The following CDH12 variants were observed in gnomAD, a reference collection of about 807,000 sequenced individuals.
The protein encoded by CDH12 is cadherin 12, also known as cadherin-12.
CDH12 carries 41 observed loss-of-function variants against 74.1 expected under a neutral mutation model. That is an observed-to-expected ratio of 0.55 (90% CI 0.43 to 0.72). CDH12 has a LOEUF of 0.72. Among genes scored for constraint, CDH12 ranks in the 30% least tolerant of loss-of-function variants. The pLI, the probability that CDH12 is intolerant of heterozygous loss-of-function variation, is 0.00. For missense variants in CDH12, 945 were observed against 977.2 expected (o/e 0.97, Z 0.44); for synonymous variants, 399 against 355.0 (o/e 1.12, Z -1.39).
intron 6 of CDH12, chr5:21,883,442 T>C (rs1579904002): frequency 1.2e-6 from 2 of 1,601,448 alleles, no homozygotes; most frequent in Non-Finnish European, 1.7e-6. Flanking sequence ...AAGCTCTAAG[T>C]ACACTCATCT....
chr5:22,498,901 C>CTT (rs34550762), intron 2 of CDH12, among the ~76,000 whole-genome samples: 49 of 73,398 alleles, frequency 6.7e-4, no homozygotes, highest in Admixed American at 9.0e-4. Context: ...TTTTCTGTTT[C>CTT]TTTTTTTTTT....
intron 4 of CDH12, among the ~76,000 whole-genome samples, chr5:22,185,416 C>G (rs1486789789): frequency 6.6e-6 from 1 of 152,072 alleles, no homozygotes; most frequent in African/African-American, 2.4e-5. Flanking sequence ...GCAGGCTGGT[C>G]TTTGATTCAC....
At chr5:22,551,130 C>A (rs542292240) in intron 1 of CDH12, among the ~76,000 whole-genome samples, 1 of 152,022 alleles carries the variant, frequency 6.6e-6, no homozygotes, top group Non-Finnish European at 1.5e-5. Flanking sequence ...ATCATAAGGG[C>A]GGGACCTAAT....
intron 3 of CDH12, among the ~76,000 whole-genome samples, chr5:22,321,641 T>A (rs1738888614): frequency 6.6e-6 from 1 of 151,584 alleles, no homozygotes; most frequent in Admixed American, 6.6e-5. Context: ...ACTTAAAGTA[T>A]AATAAAAAAA....
chr5:22,530,369 T>A (rs1453181587), intron 1 of CDH12, among the ~76,000 whole-genome samples: 1 of 152,162 alleles, frequency 6.6e-6, no homozygotes. Context: ...GAAAATCATA[T>A]TAAAGTCTGG....
At chr5:21,810,638 AG>A (rs1320361145) in intron 9 of CDH12, among the ~76,000 whole-genome samples, 1 of 152,140 alleles carries the variant, frequency 6.6e-6, no homozygotes, top group Non-Finnish European at 1.5e-5. Flanking sequence ...ACGTTGATTT[AG>A]GGCTAAGTTA....
At chr5:21,791,898 C>T (rs1329358588) in intron 10 of CDH12, among the ~76,000 whole-genome samples, 1 of 151,756 alleles carries the variant, frequency 6.6e-6, no homozygotes, top group South Asian at 2.1e-4. Context: ...TCAATGGAAA[C>T]GCTAACTTTG....
At chr5:22,451,890 A>C (rs1439131809) in intron 2 of CDH12, among the ~76,000 whole-genome samples, 1 of 151,938 alleles carries the variant, frequency 6.6e-6, no homozygotes, top group Non-Finnish European at 1.5e-5. Context: ...TGCAGGACAC[A>C]ACATCAACAT....
chr5:22,728,827 C>T (rs1329768794), intron 1 of CDH12, among the ~76,000 whole-genome samples: 1 of 151,736 alleles, frequency 6.6e-6, no homozygotes, highest in East Asian at 1.9e-4. Flanking sequence ...TAGCTTGAGC[C>T]CTCCACCGTC....
intron 2 of CDH12, among the ~76,000 whole-genome samples, chr5:22,407,548 A>G (rs1240858298): frequency 1.3e-5 from 2 of 151,990 alleles, no homozygotes; most frequent in Admixed American, 6.6e-5. Flanking sequence ...TTGAATCCCA[A>G]GTTGATCATA....
At chr5:22,844,333 T>C (rs1295779362) in intron 1 of CDH12, among the ~76,000 whole-genome samples, 2 of 152,200 alleles carry the variant, frequency 1.3e-5, no homozygotes, top group Non-Finnish European at 2.9e-5. Context: ...TTAGAGATAA[T>C]GGGCAACTTA....
intron 1 of CDH12, among the ~76,000 whole-genome samples, chr5:22,640,605 T>C (rs917734229): frequency 2.6e-5 from 4 of 152,200 alleles, no homozygotes; most frequent in Non-Finnish European, 5.9e-5. Flanking sequence ...AGTTGTCATG[T>C]TCTCTGGGAG....
At chr5:22,334,467 A>G (rs1329251170) in intron 3 of CDH12, among the ~76,000 whole-genome samples, 2 of 152,162 alleles carry the variant, frequency 1.3e-5, no homozygotes, top group African/African-American at 4.8e-5. Flanking sequence ...TCCCTATGAA[A>G]ATACCAATGA....
At chr5:22,630,271 T>C (rs867367484) in intron 1 of CDH12, among the ~76,000 whole-genome samples, 2 of 152,060 alleles carry the variant, frequency 1.3e-5, no homozygotes, top group South Asian at 4.1e-4. Context: ...ATTCTAAAAT[T>C]CATATGGAAC....
chr5:22,176,152 T>C (rs1029839585), intron 4 of CDH12, among the ~76,000 whole-genome samples: 6 of 151,842 alleles, frequency 4.0e-5, no homozygotes, highest in Admixed American at 3.3e-4. Flanking sequence ...CACTTCGGGG[T>C]ATTAGGGTGT....
At chr5:22,523,913 C>T (rs1379082017) in intron 1 of CDH12, among the ~76,000 whole-genome samples, 2 of 151,976 alleles carry the variant, frequency 1.3e-5, no homozygotes, top group Admixed American at 6.6e-5. Context: ...AAACCACTGT[C>T]CAAATTCTCA....
chr5:22,835,175 A>G (rs2126509080), intron 1 of CDH12, among the ~76,000 whole-genome samples: 1 of 152,200 alleles, frequency 6.6e-6, no homozygotes, highest in East Asian at 1.9e-4. Context: ...CCTATTTGTC[A>G]TATCATGATT....
intron 12 of CDH12, among the ~76,000 whole-genome samples, chr5:21,762,599 C>T (rs187787360): frequency 9.9e-4 from 151 of 152,108 alleles, no homozygotes; most frequent in African/African-American, 3.3e-3. Context: ...AAAAGTGTGG[C>T]TCAATTGGAC....
intron 4 of CDH12, among the ~76,000 whole-genome samples, chr5:22,123,518 G>A (rs62349111): frequency 6.6e-6 from 1 of 152,062 alleles, no homozygotes; most frequent in Non-Finnish European, 1.5e-5. Context: ...GTATGTAGTC[G>A]TTCGATTTAT....
Sources: allele counts gnomAD v4.1 joint callset (sites outside exome capture counted in the v4.1 genomes callset), GRCh38; gene constraint gnomAD v4.1.1; transcripts MANE v1.5; gene names NCBI Gene and HGNC (gene_info 2026-07-23, HGNC 2026-07-21).